The following ERN1 variants were observed in gnomAD, a reference collection of about 807,000 sequenced individuals.
ERN1 encodes the protein endoplasmic reticulum to nucleus signaling 1.
In ERN1, 39 loss-of-function variants were observed where a neutral mutation model predicts 113.1. The observed-to-expected ratio is 0.34, with a 90% CI of 0.27 to 0.45. The LOEUF (loss-of-function observed/expected upper bound fraction) is 0.45, where lower values mean the gene tolerates loss of function less well. Ranked by LOEUF, ERN1 falls within the 20% of genes least tolerant of loss-of-function variation. The probability of loss-of-function intolerance (pLI) is 1.00; values close to 1 mark genes in which losing one functional copy is unlikely to be tolerated. For missense variants in ERN1, 976 were observed against 1,274.8 expected (o/e 0.77, Z 3.57); for synonymous variants, 507 against 515.9 (o/e 0.98, Z 0.23).
chr17:64,095,404 G>A (rs1382074938), intron 2 of ERN1, among the ~76,000 whole-genome samples: 2 of 152,044 alleles, frequency 1.3e-5, no homozygotes, highest in African/African-American at 4.8e-5. Context: ...ACTCCAGCCT[G>A]GGCAACAGAG....
chr17:64,129,634 G>A, intron 1 of ERN1: 3 of 368,988 alleles, frequency 8.1e-6, no homozygotes, highest in Non-Finnish European at 1.4e-5. Flanking sequence ...GCCTCCTCAG[G>A]CCGGGGCCTT....
chr17:64,054,878 G>T lies in ERN1; in HGVS notation c.1673-50C>A. 7.3e-7 allele frequency: 1 copy of T among 1,372,018 alleles called. No homozygotes were observed. Among genetic ancestry groups the T allele is most frequent in the South Asian group, 1.3e-5 (1 of 79,582 alleles). The allele number at this position is 1,372,018 out of a possible 1,614,324, so 85.0% of individuals were successfully genotyped here. A position where few individuals can be genotyped will look rare whatever the true frequency, so the allele number is the denominator to read the frequency against. ...TTGTTTCAAACAGATATCACCTAAA[G>T]AACCTTGAGGTTAACATAGTGACAA... On this transcript the variant is annotated intron_variant, in intron 13 of 21. Coordinates refer to ENST00000433197, the MANE Select transcript of ERN1 (RefSeq NM_001433.5). This position sits in a 1 kb window ranked among gnomAD's most constrained non-coding sequence, Gnocchi z 4.9.
At chr17:64,125,024 T>C (rs955104298) in intron 1 of ERN1, among the ~76,000 whole-genome samples, 1 of 152,192 alleles carries the variant, frequency 6.6e-6, no homozygotes, top group African/African-American at 2.4e-5. Context: ...ATTTCTGGGA[T>C]GATGAAAATG....
At chr17:64,084,075 C>T (rs1913849788) in intron 2 of ERN1, among the ~76,000 whole-genome samples, 1 of 152,044 alleles carries the variant, frequency 6.6e-6, no homozygotes, top group Non-Finnish European at 1.5e-5. Context: ...GGGTTCTAGG[C>T]TCCCCTCTCC....
chr17:64,080,741 TA>T, intron 3 of ERN1, 33 bp downstream of exon 3: 1 of 1,598,990 alleles, frequency 6.3e-7, no homozygotes, highest in Admixed American at 1.7e-5. Context: ...AAGACTGAAT[TA>T]AAGGGAAGTA....
At chr17:64,102,850 TAAC>T (rs1914424334) in intron 1 of ERN1, 2 of 985,224 alleles carry the variant, frequency 2.0e-6, no homozygotes, top group African/African-American at 1.7e-5. Context: ...TGTTTCAAGT[TAAC>T]AACCATTTGA....
intron 16 of ERN1, 113 bp from the exon 17 acceptor site, chr17:64,053,092 G>T: frequency 1.0e-6 from 1 of 980,210 alleles, no homozygotes; most frequent in Non-Finnish European, 1.5e-6. Context: ...ACCTCCAAAT[G>T]TTCTGATTTT....
chr17:64,121,238 C>T (rs926682443), intron 1 of ERN1, among the ~76,000 whole-genome samples: 3 of 152,122 alleles, frequency 2.0e-5, no homozygotes, highest in African/African-American at 7.2e-5. Flanking sequence ...TGGCAGGTGG[C>T]GCCTCTGCAA....
rs1042301552 is a variant in ERN1, at chr17:64,075,227, T to A, written c.303A>T (p.Pro101=). Residue 101 remains proline (P), a synonymous_variant, in exon 5 of 22, where the codon CCA becomes CCT. Transcript: ENST00000433197. ...GGCATGGGGATGCCTGCACCAATTCTGGGATGGTAAAAGGAAGTTTCTTTA... is the reference window on the plus strand; with the variant it reads ...GGCATGGGGATGCCTGCACCAATTCAGGGATGGTAAAAGGAAGTTTCTTTA... ...EGLTKLPFTI[P]ELVQASPCRS... 91 of 1,466,408 alleles carry A rather than the reference T, an allele frequency of 6.2e-5. No homozygotes were observed. The highest frequency in any genetic ancestry group is 8.1e-5 in the Non-Finnish European group (90 of 1,109,852). 90.8% of individuals were successfully genotyped at this position (1,466,408 alleles called of 1,614,324 possible).
chr17:64,112,188 T>C (rs1029301646), intron 1 of ERN1, among the ~76,000 whole-genome samples: 12 of 152,068 alleles, frequency 7.9e-5, no homozygotes, highest in African/African-American at 2.7e-4. Flanking sequence ...GCCAACGTGG[T>C]AAAACCCCAT....
At position 64,044,360 on chromosome 17, in the gene ERN1, C is replaced by T. The variant is rs969713393; in HGVS notation, c.2722-160G>A. On this transcript the variant is annotated intron_variant, in intron 21 of 21. Coordinates refer to ENST00000433197, the MANE Select transcript of ERN1 (RefSeq NM_001433.5). This position sits in a 1 kb window ranked among gnomAD's most constrained non-coding sequence, Gnocchi z 4.1. The stretch of plus-strand genomic sequence containing the variant: ...GCTTATGTATCCAAGAATCCAGCCC[C>T]GTCATCTCGCCTGCTACCCTCACTC... Among the ~76,000 whole-genome samples the T allele has an allele frequency of 5.9e-5, 9 of 152,188 alleles. No homozygotes were observed. The highest frequency in any genetic ancestry group is 1.2e-4 in the African/African-American group (5 of 41,438).
chr17:64,056,497 G>A (rs1054187971), intron 12 of ERN1, among the ~76,000 whole-genome samples: 4 of 152,238 alleles, frequency 2.6e-5, no homozygotes, highest in African/African-American at 4.8e-5. Flanking sequence ...TGGCAGTGGG[G>A]CTGACACATG....
At chr17:64,086,776 A>G (rs944659262) in intron 2 of ERN1, among the ~76,000 whole-genome samples, 1 of 149,956 alleles carries the variant, frequency 6.7e-6, no homozygotes, top group Non-Finnish European at 1.5e-5. Context: ...CCTACCGAGT[A>G]GCTGGGACTA....
intron 4 of ERN1, among the ~76,000 whole-genome samples, chr17:64,075,486 G>A (rs1212863277): frequency 1.3e-5 from 2 of 152,130 alleles, no homozygotes; most frequent in Admixed American, 1.3e-4. Flanking sequence ...AGGCTGGAGT[G>A]CAGTGGCACC....
intron 11 of ERN1, among the ~76,000 whole-genome samples, chr17:64,058,915 A>G (rs1272571544): frequency 6.6e-6 from 1 of 152,086 alleles, no homozygotes; most frequent in East Asian, 1.9e-4. Context: ...CCTGCAGAGT[A>G]TATAGGAAGC....
At chr17:64,126,859 A>T (rs1261130835) in intron 1 of ERN1, among the ~76,000 whole-genome samples, 4 of 152,066 alleles carry the variant, frequency 2.6e-5, no homozygotes, top group Non-Finnish European at 5.9e-5. Flanking sequence ...GTGACTTTTT[A>T]AAAACCTCCC....
intron 1 of ERN1, among the ~76,000 whole-genome samples, chr17:64,125,408 G>A (rs1303056311): frequency 6.6e-6 from 1 of 152,088 alleles, no homozygotes; most frequent in African/African-American, 2.4e-5. Context: ...GGCAAAGCTC[G>A]GCTTATTACC....
chr17:64,065,321 C>A, intron 8 of ERN1, 34 bp from the exon 9 acceptor site: 1 of 1,490,120 alleles, frequency 6.7e-7, no homozygotes, highest in Non-Finnish European at 9.2e-7. Context: ...ATTCCAGAGT[C>A]ATTGAATTTC....
rs955351483 is a variant in ERN1, at chr17:64,068,271, C to T, written c.499G>A (p.Asp167Asn). Residue 167 changes from aspartate (D) to asparagine (N), a missense_variant, in exon 7 of 22, where the codon GAC (aspartate) becomes AAC (asparagine). Physicochemically the swap from Asp to Asn is conservative, Grantham distance 23. Transcript: ENST00000433197. The part of the protein sequence containing the change: ...GRTEYTITMY[D>N]TKTRELRWNA... ...CACCGGAGCTCTCGGGTTTTGGTGT[C>T]GTACATGGTGATGGTGTATTCTAAA... 3.7e-6 allele frequency: 6 copies of T among 1,612,238 alleles called. No homozygotes were observed. The highest frequency in any genetic ancestry group is 1.1e-5 in the South Asian group (1 of 90,582).
Sources: allele counts gnomAD v4.1 joint callset (sites outside exome capture counted in the v4.1 genomes callset), GRCh38; gene constraint gnomAD v4.1.1; non-coding constraint Gnocchi (gnomAD v3.1); transcripts MANE v1.5; gene names NCBI Gene and HGNC (gene_info 2026-07-23, HGNC 2026-07-21).